The following INPP5A variants were observed in gnomAD, a reference collection of about 807,000 sequenced individuals.
INPP5A encodes the protein 43 kDa inositol polyphosphate 5-phophatase.
Under a neutral mutation model 65.2 loss-of-function variants are expected in INPP5A, and 14 were observed. The ratio of observed to expected loss-of-function variants is 0.21; its 90% confidence interval spans 0.14 to 0.34. INPP5A has a LOEUF of 0.34. INPP5A is among the 10% of genes least tolerant of loss of function. The pLI is 1.00. For synonymous variants in INPP5A, 207 were observed against 208.3 expected, an observed-to-expected ratio of 0.99 and a Z score of 0.05; for missense variants, 431 against 545.6, an observed-to-expected ratio of 0.79 and a Z score of 2.09.
chr10:132,756,771 C>G (rs1846627477), intron 11 of INPP5A, among the ~76,000 whole-genome samples: 1 of 152,258 alleles, frequency 6.6e-6, no homozygotes, highest in South Asian at 2.1e-4. Context: ...GTCCTTCAGG[C>G]AGGTCCACGG....
At chr10:132,677,489 C>G (rs1184834339) in intron 4 of INPP5A, among the ~76,000 whole-genome samples, 1 of 152,242 alleles carries the variant, frequency 6.6e-6, no homozygotes, top group Non-Finnish European at 1.5e-5. Context: ...CGGCCAATGA[C>G]TTTGCCCCCG....
chr10:132,773,555 T>C, intron 12 of INPP5A, among the ~76,000 whole-genome samples: 1 of 152,236 alleles, frequency 6.6e-6, no homozygotes. Flanking sequence ...GTAATAATTA[T>C]CTAGCAAAAT....
At chr10:132,578,061 G>A (rs78794218) in intron 1 of INPP5A, among the ~76,000 whole-genome samples, 3,134 of 152,330 alleles carry the variant, frequency 0.021, 38 homozygotes, top group South Asian at 0.039. Flanking sequence ...ATTAGGCTCA[G>A]TATTGAACTG....
At chr10:132,768,218 G>A (rs570652495) in intron 12 of INPP5A, among the ~76,000 whole-genome samples, 121 of 124,452 alleles carry the variant, frequency 9.7e-4, no homozygotes, top group African/African-American at 3.6e-3. Flanking sequence ...AGAAAGATCT[G>A]TGGACCCCGA....
intron 3 of INPP5A, among the ~76,000 whole-genome samples, chr10:132,647,967 A>G (rs2072520910): frequency 6.6e-6 from 1 of 152,246 alleles, no homozygotes; most frequent in Non-Finnish European, 1.5e-5. Context: ...AAGGCTGAAA[A>G]ATGTGGCCAT....
rs186598385 is a variant in INPP5A at position 132,649,548 on chromosome 10, G to C, written c.219-870G>C. Among the ~76,000 whole-genome samples, 92 of 152,272 alleles carry C rather than the reference G, an allele frequency of 6.0e-4. 1 individual carries two copies. The highest frequency in any genetic ancestry group is 5.6e-3 in the East Asian group (29 of 5,188). ...GTTAAGCCACATGGGGATCAGTGTG[G>C]GTCTGTCAAGGCATTCTTTGCCTTG... On this transcript the variant is annotated intron_variant, in intron 3 of 15. Transcript: ENST00000368594.
chr10:132,609,939 G>T (rs1351780613), intron 2 of INPP5A, among the ~76,000 whole-genome samples: 4 of 152,206 alleles, frequency 2.6e-5, no homozygotes, highest in African/African-American at 9.7e-5. Context: ...ACCGCACCTG[G>T]CCTGTCTGCC....
chr10:132,756,055 A>G (rs3793686), intron 11 of INPP5A, among the ~76,000 whole-genome samples: 28,649 of 152,222 alleles, frequency 0.19, 2,822 homozygotes, highest in Non-Finnish European at 0.22. Flanking sequence ...TAGGGACCCC[A>G]TCATTGGGTG....
intron 1 of INPP5A, among the ~76,000 whole-genome samples, chr10:132,582,006 T>A (rs2071490541): frequency 6.6e-6 from 1 of 152,006 alleles, no homozygotes; most frequent in African/African-American, 2.4e-5. Context: ...CCCAGCTAAT[T>A]TTTTTGTATT....
rs1372591970 is a variant in INPP5A, at chr10:132,705,070, G to C, written c.475-3243G>C. On this transcript the variant is annotated intron_variant, in intron 6 of 15. Transcript: ENST00000368594. The surrounding 1 kb of genome is among the most constrained non-coding windows in gnomAD (Gnocchi z 4.9). ...GAGTGCAGGCTGAGTGGAGGGGAGAGAGTCCAAGCATTGGGGGTGTCCCAG... is the reference window on the plus strand; with the variant it reads ...GAGTGCAGGCTGAGTGGAGGGGAGACAGTCCAAGCATTGGGGGTGTCCCAG... Among the ~76,000 whole-genome samples the C allele has an allele frequency of 6.6e-6, 1 of 152,174 alleles. No individual in the cohort carries two copies. The highest frequency in any genetic ancestry group is 2.4e-5 in the African/African-American group (1 of 41,450).
chr10:132,724,591 G>A (rs1289238203), intron 8 of INPP5A, among the ~76,000 whole-genome samples: 1 of 152,038 alleles, frequency 6.6e-6, no homozygotes, highest in African/African-American at 2.4e-5. Context: ...TCACAAGGAG[G>A]CCCCAGGCCA....
Position 132,705,905 on chromosome 10 carries a change from A to C in INPP5A, c.475-2408A>C, listed in dbSNP as rs569648676. ...AAGAACGTCTATGAGACGAGCAGAC[A>C]CCAGAATACAGACTCACCCCAAATA... On this transcript the variant is annotated intron_variant, in intron 6 of 15. Transcript: ENST00000368594. This position sits in a 1 kb window ranked among gnomAD's most constrained non-coding sequence, Gnocchi z 4.9. 2.8e-4 allele frequency among the ~76,000 whole-genome samples: 42 copies of C among 152,348 alleles called. No individual in the cohort carries two copies. The highest frequency in any genetic ancestry group is 9.9e-4 in the African/African-American group (41 of 41,570).
intron 1 of INPP5A, among the ~76,000 whole-genome samples, chr10:132,558,529 G>C (rs1332729668): frequency 2.0e-5 from 3 of 152,230 alleles, no homozygotes; most frequent in Admixed American, 1.3e-4. Context: ...ATATGCATGG[G>C]GTCCACTTGT....
chr10:132,542,463 C>T (rs1337866842), intron 1 of INPP5A, among the ~76,000 whole-genome samples: 2 of 152,186 alleles, frequency 1.3e-5, no homozygotes, highest in African/African-American at 4.8e-5. Flanking sequence ...CCTTCTTTGC[C>T]ATGTGGTTCC....
rs2072940711 is a variant in INPP5A, at chr10:132,674,719, A to G, written c.307-15673A>G. ...GACCCACTTCATGGCTAGATGGGTC[A>G]GAAAGCACCCAGTTCATGACATGCA... On this transcript the variant is annotated intron_variant, in intron 4 of 15. Transcript: ENST00000368594. This position sits in a 1 kb window ranked among gnomAD's most constrained non-coding sequence, Gnocchi z 4.4. Among the ~76,000 whole-genome samples, 1 of 152,188 alleles carries G rather than the reference A, an allele frequency of 6.6e-6. No individual in the cohort carries two copies. Among genetic ancestry groups the G allele is most frequent in the African/African-American group, 2.4e-5 (1 of 41,460 alleles).
chr10:132,633,888 G>A (rs551001702), intron 2 of INPP5A, among the ~76,000 whole-genome samples: 18 of 152,300 alleles, frequency 1.2e-4, no homozygotes, highest in Non-Finnish European at 2.2e-4. Flanking sequence ...AATCCTTTCC[G>A]TGCCCAGCAC....
intron 5 of INPP5A, among the ~76,000 whole-genome samples, chr10:132,691,960 C>T (rs150598153): frequency 0.013 from 2,012 of 151,932 alleles, 44 homozygotes; most frequent in African/African-American, 0.044. Flanking sequence ...TCCTGGCAGG[C>T]GTGCGGTCCC....
intron 11 of INPP5A, among the ~76,000 whole-genome samples, chr10:132,765,482 C>A (rs1172169184): frequency 1.6e-4 from 24 of 152,198 alleles, no homozygotes; most frequent in Non-Finnish European, 2.2e-4. Flanking sequence ...ACTGGGGCTG[C>A]CACGGCAGTG....
At chr10:132,639,059 A>G (rs761919436) in intron 2 of INPP5A, among the ~76,000 whole-genome samples, 4 of 152,126 alleles carry the variant, frequency 2.6e-5, no homozygotes, top group Non-Finnish European at 5.9e-5. Context: ...CATTCTATGT[A>G]TTTTAAAGAA....
Sources: gnomAD v4.1 joint callset for allele counts (sites outside exome capture counted in the v4.1 genomes callset) on GRCh38, gnomAD v4.1.1 for gene constraint, Gnocchi (gnomAD v3.1) non-coding constraint, MANE v1.5 for transcripts, NCBI Gene and HGNC (gene_info 2026-07-23, HGNC 2026-07-21) for gene names.